Variants in KCNAB1 observed in about 807,000 individuals in gnomAD.
KCNAB1 encodes voltage-gated potassium channel subunit beta-1.
In KCNAB1, 35 loss-of-function variants were observed where a neutral mutation model predicts 64.6. The ratio of observed to expected loss-of-function variants is 0.54; its 90% CI spans 0.41 to 0.72. The LOEUF is 0.72. KCNAB1 is among the 30% of genes least tolerant of loss of function. The pLI is 0.00. For synonymous variants in KCNAB1, 177 were observed against 183.8 expected (o/e 0.96, Z 0.30); for missense variants, 401 against 512.9 (o/e 0.78, Z 2.11).
At chr3:156,235,225 C>A (rs1213004112) in intron 1 of KCNAB1, among the ~76,000 whole-genome samples, 2 of 152,228 alleles carry the variant, frequency 1.3e-5, no homozygotes, top group Non-Finnish European at 2.9e-5. Flanking sequence ...AGCTGATCCA[C>A]TTGTGTGCCA....
Position 156,144,999 on chromosome 3 carries a change from G to A in KCNAB1, c.275+24113G>A, listed in dbSNP as rs541185930. Among the ~76,000 whole-genome samples, 35 of 152,286 alleles carry A rather than the reference G, an allele frequency of 2.3e-4. No homozygotes were observed. The Middle Eastern group carries it at 0.01, about 44-fold the overall frequency. Reference sequence around the variant, plus strand: ...CTGCCTCAGCTAAAGGTGGGAGCTTGGAGCCCACCTGCTTGAGGGGAGCAG... The same window carrying A: ...CTGCCTCAGCTAAAGGTGGGAGCTTAGAGCCCACCTGCTTGAGGGGAGCAG... On this transcript the variant is annotated intron_variant, in intron 1 of 13. Coordinates refer to ENST00000490337, the MANE Select transcript of KCNAB1 (RefSeq NM_172160.3).
At position 156,233,133 on chromosome 3, in the gene KCNAB1, G is replaced by T. The variant is rs557566373; in HGVS notation, c.275+112247G>T. On this transcript the variant is annotated intron_variant, in intron 1 of 13. Coordinates refer to ENST00000490337, the MANE Select transcript of KCNAB1 (RefSeq NM_172160.3). Reference sequence around the variant, plus strand: ...ACACTTTTGGGGCACAAAGGGGAATGAATAAAACAGATAAGTGTCTTTGCT... The same window carrying T: ...ACACTTTTGGGGCACAAAGGGGAATTAATAAAACAGATAAGTGTCTTTGCT... Among the ~76,000 whole-genome samples the T allele has an allele frequency of 2.0e-5, 3 of 152,276 alleles. No homozygotes were observed. In the East Asian group the frequency reaches 5.8e-4, roughly 29 times the overall value.
chr3:156,165,248 A>AGCCTGG (rs1711508569), intron 1 of KCNAB1, among the ~76,000 whole-genome samples: 1 of 135,062 alleles, frequency 7.4e-6, no homozygotes, highest in Admixed American at 7.8e-5. Flanking sequence ...ACTGCACTCC[A>AGCCTGG]GCCTGGGCGA....
chr3:156,225,137 A>G (rs1716070527), intron 1 of KCNAB1, among the ~76,000 whole-genome samples: 1 of 152,198 alleles, frequency 6.6e-6, no homozygotes, highest in Non-Finnish European at 1.5e-5. Flanking sequence ...CTACAGACCA[A>G]TATCCCTGAT....
chr3:156,351,955 G>A (rs1012594853), intron 1 of KCNAB1, among the ~76,000 whole-genome samples: 1 of 152,288 alleles, frequency 6.6e-6, no homozygotes, highest in East Asian at 1.9e-4. Context: ...CACCAGTGGG[G>A]CCTCCTCAGG....
chr3:156,176,505 C>T, intron 1 of KCNAB1: 1 of 795,740 alleles, frequency 1.3e-6, no homozygotes, highest in Non-Finnish European at 2.3e-6. Context: ...CTATCCCACA[C>T]AGCCACAGTT....
intron 8 of KCNAB1, among the ~76,000 whole-genome samples, chr3:156,488,008 A>G (rs11918294): frequency 0.12 from 18,476 of 152,142 alleles, 1,408 homozygotes; most frequent in African/African-American, 0.22. Flanking sequence ...CAAAAACCCT[A>G]CGTAATGCAT....
chr3:156,267,948 C>A (rs1033484564), intron 1 of KCNAB1, among the ~76,000 whole-genome samples: 5 of 151,896 alleles, frequency 3.3e-5, no homozygotes, highest in African/African-American at 1.2e-4. Context: ...ACCATAGTCA[C>A]CTGCTTTTGC....
rs369685753 is a variant in KCNAB1, at chr3:156,459,817, C to G, written c.438-10C>G. On this transcript the variant is annotated splice_polypyrimidine_tract_variant and intron_variant, in intron 4 of 13. Transcript: ENST00000490337. ...CTGCATTCTAAGACATTATCTGTTT[C>G]CCCTTCCAGGGCTGAAGTGATTCTG... The G allele has an allele frequency of 6.2e-7, 1 of 1,601,238 alleles. No individual in the cohort carries two copies. The highest frequency in any genetic ancestry group is 1.7e-5 in the Admixed American group (1 of 59,720).
At chr3:156,299,799 CT>C (rs1484167706) in intron 1 of KCNAB1, among the ~76,000 whole-genome samples, 1 of 152,116 alleles carries the variant, frequency 6.6e-6, no homozygotes, top group East Asian at 1.9e-4. Context: ...CATGAGAAAT[CT>C]GTCCTGTTTT....
chr3:156,414,158 A>G (rs1176091326), intron 1 of KCNAB1, among the ~76,000 whole-genome samples: 2 of 152,240 alleles, frequency 1.3e-5, no homozygotes, highest in Non-Finnish European at 2.9e-5. Flanking sequence ...TAAGAAAGAT[A>G]TAAGGCATAG....
chr3:156,340,079 A>G (rs562601190), intron 1 of KCNAB1, among the ~76,000 whole-genome samples: 1 of 152,324 alleles, frequency 6.6e-6, no homozygotes, highest in Admixed American at 6.5e-5. Context: ...TGGAGGAGGC[A>G]TTGTGTCTCA....
At chr3:156,171,206 C>CACACAA (rs1479186749) in intron 1 of KCNAB1, among the ~76,000 whole-genome samples, 1 of 151,708 alleles carries the variant, frequency 6.6e-6, no homozygotes, top group African/African-American at 2.4e-5. Flanking sequence ...CACACACACA[C>CACACAA]ACACACACAC....
chr3:156,166,072 C>G (rs1281474887), intron 1 of KCNAB1, among the ~76,000 whole-genome samples: 1 of 152,026 alleles, frequency 6.6e-6, no homozygotes, highest in Non-Finnish European at 1.5e-5. Flanking sequence ...AGATGTTCAG[C>G]GAACATTTGT....
Position 156,246,921 on chromosome 3 carries a change from G to A in KCNAB1, c.275+126035G>A, listed in dbSNP as rs77152595. ...CCTTTTGCTTCAGTCTATCTGTGGT[G>A]CTGATTTAGAGCATGAGAACTATAT... On this transcript the variant is annotated intron_variant, in intron 1 of 13. Transcript: ENST00000490337. 1.0e-3 allele frequency among the ~76,000 whole-genome samples: 156 copies of A among 152,298 alleles called. 3 individuals are homozygous for A. In the East Asian group the frequency reaches 0.028, roughly 28 times the overall value.
intron 1 of KCNAB1, among the ~76,000 whole-genome samples, chr3:156,209,837 A>G (rs532708246): frequency 6.6e-6 from 1 of 152,368 alleles, no homozygotes; most frequent in South Asian, 2.1e-4. Flanking sequence ...TGCATAGCAA[A>G]CATTTCTCCA....
At chr3:156,328,366 T>A (rs1723118915) in intron 1 of KCNAB1, among the ~76,000 whole-genome samples, 1 of 152,144 alleles carries the variant, frequency 6.6e-6, no homozygotes, top group South Asian at 2.1e-4. Context: ...GTGTCGTTTC[T>A]GGGAAAACTA....
chr3:156,459,773 C>T (rs542113446), intron 4 of KCNAB1, 54 bp from the exon 5 acceptor site: 2 of 1,340,578 alleles, frequency 1.5e-6, no homozygotes. Context: ...TCTGGATTGA[C>T]TCTTGCTTTT....
At chr3:156,516,162 C>T (rs1717545327) in intron 10 of KCNAB1, 108 bp from the exon 11 acceptor site, 1 of 704,040 alleles carries the variant, frequency 1.4e-6, no homozygotes, top group African/African-American at 1.8e-5. Flanking sequence ...ATCTGGCCAG[C>T]TTTTCCCTAT....
Sources: allele counts gnomAD v4.1 joint callset (sites outside exome capture counted in the v4.1 genomes callset), GRCh38; gene constraint gnomAD v4.1.1; transcripts MANE v1.5; gene names NCBI Gene and HGNC (gene_info 2026-07-23, HGNC 2026-07-21).